The following FMN1 variants were observed in gnomAD, a reference collection of about 807,000 sequenced individuals.
FMN1 encodes formin-1.
A neutral mutation model predicts 132.4 loss-of-function variants in FMN1; 110 were observed. The ratio of observed to expected loss-of-function variants is 0.83; its 90% CI spans 0.71 to 0.97. The LOEUF (loss-of-function observed/expected upper bound fraction) is 0.97, where lower values mean the gene tolerates loss of function less well. FMN1 is among the 50% of genes least tolerant of loss of function. The probability of loss-of-function intolerance (pLI) is 0.00; values close to 1 mark genes in which losing one functional copy is unlikely to be tolerated. For synonymous variants in FMN1, 722 were observed against 651.7 expected (o/e 1.11, Z -1.64); for missense variants, 1,792 against 1,705.3 (o/e 1.05, Z -0.90).
chr15:33,125,354 C>T (rs913942630), intron 4 of FMN1, among the ~76,000 whole-genome samples: 4 of 152,172 alleles, frequency 2.6e-5, no homozygotes, highest in Admixed American at 6.5e-5. Context: ...AAATAGTTTC[C>T]TTTTAAAATT....
rs1170250851 is a variant in FMN1 at position 32,770,399 on chromosome 15, T to C, written c.*3911A>G. On this transcript the variant is annotated 3_prime_UTR_variant, in exon 21 of 21. Transcript: ENST00000616417. Reference sequence around the variant, plus strand: ...TATCATTAAAATGAAAATTTCTCTGTTGCAAACATCATAGAGAAAATGTGC... The same window carrying C: ...TATCATTAAAATGAAAATTTCTCTGCTGCAAACATCATAGAGAAAATGTGC... The C allele has an allele frequency of 1.3e-5, 1 of 79,910 alleles. No homozygotes were observed. The highest frequency in any genetic ancestry group is 3.4e-5 in the Non-Finnish European group (1 of 29,648). The allele number at this position is 79,910 out of a possible 1,614,324, so 5.0% of individuals were successfully genotyped here.
intron 4 of FMN1, among the ~76,000 whole-genome samples, chr15:33,108,262 A>G (rs993291152): frequency 2.0e-5 from 3 of 152,080 alleles, no homozygotes; most frequent in African/African-American, 7.2e-5. Context: ...ATGAAACTCA[A>G]TCAGACAACT....
intron 17 of FMN1, among the ~76,000 whole-genome samples, chr15:32,819,972 G>A (rs1483058882): frequency 6.6e-6 from 1 of 152,076 alleles, no homozygotes; most frequent in Admixed American, 6.6e-5. Context: ...TTAAGATTTT[G>A]CCATCTCAAA....
chr15:33,051,780 C>T (rs183892290), intron 6 of FMN1, among the ~76,000 whole-genome samples: 4 of 152,298 alleles, frequency 2.6e-5, no homozygotes, highest in Admixed American at 2.0e-4. Context: ...CAGGCCACTG[C>T]ACATGCTGAT....
intron 4 of FMN1, among the ~76,000 whole-genome samples, chr15:33,089,975 G>A (rs28417580): frequency 0.055 from 8,425 of 152,180 alleles, 769 homozygotes; most frequent in African/African-American, 0.19. Context: ...CTATATAATA[G>A]GGTTTTCCAA....
intron 9 of FMN1, among the ~76,000 whole-genome samples, chr15:32,928,192 A>T (rs1268247296): frequency 6.6e-6 from 1 of 152,034 alleles, no homozygotes; most frequent in African/African-American, 2.4e-5. Context: ...AAGGAAAAAA[A>T]TCTCATTTTT....
chr15:33,048,644 A>AACAAAAAAAAAAAAAAAAAACAAAAAC (rs1555388955), intron 6 of FMN1, among the ~76,000 whole-genome samples: 1 of 86,918 alleles, frequency 1.2e-5, no homozygotes, highest in African/African-American at 4.1e-5. Context: ...AAAAAAAAAA[A>AACAAAAAAAAAAAAAAAAAACAAAAAC]AAAAACCAAC....
At chr15:32,821,672 G>C (rs959694212) in intron 17 of FMN1, among the ~76,000 whole-genome samples, 2 of 151,820 alleles carry the variant, frequency 1.3e-5, no homozygotes, top group Non-Finnish European at 2.9e-5. Flanking sequence ...GGCTGTTCTT[G>C]AACTCCTGAC....
At chr15:32,974,825 A>G (rs1312681728) in intron 7 of FMN1, among the ~76,000 whole-genome samples, 1 of 152,214 alleles carries the variant, frequency 6.6e-6, no homozygotes, top group African/African-American at 2.4e-5. Flanking sequence ...TCTCCAAAGT[A>G]ATGTGTTATT....
At chr15:33,000,326 G>A (rs998017532) in intron 7 of FMN1, among the ~76,000 whole-genome samples, 2 of 152,146 alleles carry the variant, frequency 1.3e-5, no homozygotes, top group African/African-American at 4.8e-5. Context: ...GCGGCCGCCT[G>A]TAGTCCCAGC....
At chr15:32,838,913 T>C (rs867464171) in intron 17 of FMN1, among the ~76,000 whole-genome samples, 40 of 152,128 alleles carry the variant, frequency 2.6e-4, no homozygotes, top group African/African-American at 9.2e-4. Context: ...TGCACGACGA[T>C]AGTCCAAAAG....
chr15:32,865,625 T>C (rs898894429), intron 16 of FMN1, among the ~76,000 whole-genome samples: 1 of 152,098 alleles, frequency 6.6e-6, no homozygotes, highest in African/African-American at 2.4e-5. Context: ...TCACCTGAGG[T>C]TGGGAGTTCG....
rs1331770269 is a variant in FMN1, at chr15:33,159,652, G to A, written c.-131-4607C>T. On this transcript the variant is annotated intron_variant, in intron 3 of 20. Transcript: ENST00000616417. ...TGGTAACAAGCAGGTTGATGAGGAA[G>A]ACCAGGCTTTGAAGTATCAACCAAC... Among the ~76,000 whole-genome samples, 5 of 152,208 alleles carry A rather than the reference G, an allele frequency of 3.3e-5. No homozygotes were observed. The East Asian group carries it at 9.6e-4, about 29-fold the overall frequency.
At chr15:33,144,029 T>G (rs535871597) in intron 4 of FMN1, among the ~76,000 whole-genome samples, 1 of 152,136 alleles carries the variant, frequency 6.6e-6, no homozygotes, top group East Asian at 1.9e-4. Context: ...GATGCAGAAA[T>G]TGAGAACACT....
At position 32,926,164 on chromosome 15, in the gene FMN1, A is replaced by G. The variant is rs1385133624; in HGVS notation, c.3226+10T>C. The stretch of plus-strand genomic sequence containing the variant: ...GAAAAAGTAAAACAAAAGTGATAGA[A>G]AAGACTTACCCTGTTGGATATCCTT... On this transcript the variant is annotated intron_variant, in intron 10 of 20. Transcript: ENST00000616417. 7.2e-6 allele frequency: 10 copies of G among 1,384,518 alleles called. No homozygotes were observed. Among genetic ancestry groups the G allele is most frequent in the Non-Finnish European group, 1.0e-5 (10 of 1,000,204 alleles). 85.8% of individuals were successfully genotyped at this position (1,384,518 alleles called of 1,614,324 possible). A position where few individuals can be genotyped will look rare whatever the true frequency, so the allele number is the denominator to read the frequency against.
intron 4 of FMN1, among the ~76,000 whole-genome samples, chr15:33,117,512 A>C (rs576675502): frequency 6.6e-6 from 1 of 152,218 alleles, no homozygotes; most frequent in African/African-American, 2.4e-5. Context: ...ATTTAACCTT[A>C]ATATGCTTTT....
At chr15:32,980,758 C>G (rs2032587137) in intron 7 of FMN1, among the ~76,000 whole-genome samples, 2 of 152,124 alleles carry the variant, frequency 1.3e-5, no homozygotes, top group South Asian at 4.1e-4. Context: ...AATTCAGACT[C>G]ATGCATATAC....
chr15:33,065,618 A>C (rs569730810), intron 5 of FMN1, among the ~76,000 whole-genome samples: 16 of 152,326 alleles, frequency 1.1e-4, no homozygotes, highest in Middle Eastern at 3.4e-3. Flanking sequence ...TACAACTAGG[A>C]GAATGTTATA....
intron 9 of FMN1, among the ~76,000 whole-genome samples, chr15:32,933,371 T>C (rs1002204043): frequency 6.6e-6 from 1 of 152,176 alleles, no homozygotes; most frequent in Non-Finnish European, 1.5e-5. Flanking sequence ...TAAAAATTTG[T>C]TAAGGCTTGT....
Sources: allele counts gnomAD v4.1 joint callset (sites outside exome capture counted in the v4.1 genomes callset), GRCh38; gene constraint gnomAD v4.1.1; transcripts MANE v1.5; gene names NCBI Gene and HGNC (gene_info 2026-07-23, HGNC 2026-07-21).